GINS1: variants seen among roughly 807,000 people sequenced by gnomAD.
GINS1 encodes the protein GINS complex subunit 1.
Under a neutral mutation model 34.9 loss-of-function variants are expected in GINS1, and 26 were observed. That is an observed-to-expected ratio of 0.74 (90% CI 0.55 to 1.03). GINS1 has a LOEUF of 1.03. Among genes scored for constraint, GINS1 ranks in the 50% least tolerant of loss-of-function variants. GINS1 has a pLI of 0.00. For synonymous variants in GINS1, 97 were observed against 84.4 expected (o/e 1.15, Z -0.82); for missense variants, 235 against 237.9 (o/e 0.99, Z 0.08).
Position 25,425,281 on chromosome 20 carries a change from T to C in GINS1, c.401T>C (p.Leu134Ser). 6.4e-7 allele frequency: 1 copy of C among 1,569,250 alleles called. No homozygotes were observed. The highest frequency in any genetic ancestry group is 1.8e-4 in the Middle Eastern group (1 of 5,670). The change falls in exon 5 of 7, where the codon TTG becomes TCG. Residue 134 changes from leucine to serine, a missense_variant. Physicochemically the swap from Leu to Ser is moderately radical, Grantham distance 145. Coordinates refer to ENST00000262460, the MANE Select transcript of GINS1 (RefSeq NM_021067.5). ...AGGTCACTGGGAGGAGATGAAGGTT[T>C]GGACATTACACAGGATATGAAACCA... ...YMRSLGGDEG[L>S]DITQDMKPPK...
Position 25,447,991 on chromosome 20 carries a change from TGTG to T in GINS1, c.*2007_*2009del, listed in dbSNP as rs1402932077. On this transcript the variant is annotated 3_prime_UTR_variant, in exon 7 of 7. Transcript: ENST00000262460. ...CAAAAAATAGAAAAAATTAGCCAGG[TGTG>T]GTGGTGCATGCCTGTAGTCACAGTT... The T allele has an allele frequency of 2.0e-5, 3 of 152,214 alleles. No individual in the cohort carries two copies. Among genetic ancestry groups the T allele is most frequent in the African/African-American group, 4.8e-5 (2 of 41,378 alleles). The allele number at this position is 152,214 out of a possible 1,614,324, so 9.4% of individuals were successfully genotyped here. A position where few individuals can be genotyped will look rare whatever the true frequency, so the allele number is the denominator to read the frequency against.
chr20:25,426,172 T>G (rs2090389495), intron 5 of GINS1, among the ~76,000 whole-genome samples: 1 of 152,244 alleles, frequency 6.6e-6, no homozygotes, highest in Non-Finnish European at 1.5e-5. Context: ...TCTGAGAAGC[T>G]ACAAATGACA....
Position 25,418,138 on chromosome 20 carries a change from A to G in GINS1, c.273A>G (p.Arg91=). 2 of 1,605,396 alleles carry G rather than the reference A, an allele frequency of 1.2e-6. No individual in the cohort carries two copies. The highest frequency in any genetic ancestry group is 8.5e-7 in the Non-Finnish European group (1 of 1,171,874). ...YDRLLRIRAL[R]WEYGSVLPNA... ...GCTTGCTTCGGATCAGAGCACTCAG[A>G]TGGGAATATGGTAGCGTCTTGCCAA... Residue 91 remains arginine (R), a synonymous_variant, in exon 4 of 7, where the codon AGA becomes AGG. Transcript: ENST00000262460.
chr20:25,437,486 A>G (rs2090460259), intron 5 of GINS1, among the ~76,000 whole-genome samples: 1 of 152,254 alleles, frequency 6.6e-6, no homozygotes. Flanking sequence ...ATGTTTGTCA[A>G]AGCTCCAACC....
chr20:25,428,967 CTCTTTTTTTTTTTTTTT>C (rs2090410023), intron 5 of GINS1, among the ~76,000 whole-genome samples: 6 of 114,160 alleles, frequency 5.3e-5, no homozygotes, highest in Non-Finnish European at 1.1e-4. Context: ...TCATTCCTCT[CTCTTTTTTTTTTTTTTT>C]TTTTTTTTTT....
intron 4 of GINS1, among the ~76,000 whole-genome samples, chr20:25,423,651 G>T (rs1402965574): frequency 8.6e-5 from 9 of 104,720 alleles, no homozygotes; most frequent in Admixed American, 2.1e-4. Context: ...TCTCTCTGTT[G>T]CCCCCAGGCT....
intron 5 of GINS1, among the ~76,000 whole-genome samples, chr20:25,426,966 T>G (rs565671831): frequency 1.3e-5 from 2 of 152,292 alleles, no homozygotes; most frequent in South Asian, 4.2e-4. Context: ...GCTATGAACG[T>G]GGATATATAA....
chr20:25,433,931 G>T (rs143394684), intron 5 of GINS1, among the ~76,000 whole-genome samples: 1 of 152,144 alleles, frequency 6.6e-6, no homozygotes, highest in Non-Finnish European at 1.5e-5. Flanking sequence ...AATAATACTA[G>T]CTTTTAGACT....
At chr20:25,436,807 A>G (rs1397547435) in intron 5 of GINS1, among the ~76,000 whole-genome samples, 1 of 151,964 alleles carries the variant, frequency 6.6e-6, no homozygotes, top group Non-Finnish European at 1.5e-5. Context: ...TTCAGGGACC[A>G]TTTCTTATTT....
chr20:25,431,709 T>A (rs918265360), intron 5 of GINS1, among the ~76,000 whole-genome samples: 1 of 151,754 alleles, frequency 6.6e-6, no homozygotes, highest in African/African-American at 2.4e-5. Context: ...TAGCTGGGAC[T>A]GTAGGGGTGC....
At chr20:25,423,442 TTTTTC>T (rs764431254) in intron 4 of GINS1, among the ~76,000 whole-genome samples, 19 of 121,568 alleles carry the variant, frequency 1.6e-4, no homozygotes, top group East Asian at 4.0e-4. Flanking sequence ...TATTAAGATA[TTTTTC>T]TTTTCTTTTT....
At chr20:25,428,178 T>C (rs1290172593) in intron 5 of GINS1, among the ~76,000 whole-genome samples, 1 of 151,270 alleles carries the variant, frequency 6.6e-6, no homozygotes, top group African/African-American at 2.4e-5. Context: ...CGGCCAATTT[T>C]TTTTGTTTTG....
At chr20:25,409,151 G>T (rs1402707960) in intron 1 of GINS1, 1 of 376,266 alleles carries the variant, frequency 2.7e-6, no homozygotes, top group Non-Finnish European at 3.7e-6. Context: ...AATAGGGCCT[G>T]TGGGGAGTCT....
intron 4 of GINS1, among the ~76,000 whole-genome samples, chr20:25,422,880 G>A (rs772307480): frequency 2.7e-5 from 4 of 148,780 alleles, no homozygotes; most frequent in Admixed American, 6.7e-5. Context: ...GGGTTCAAGC[G>A]ATTCTCTTGC....
At chr20:25,419,253 A>G (rs976550342) in intron 4 of GINS1, among the ~76,000 whole-genome samples, 1 of 152,206 alleles carries the variant, frequency 6.6e-6, no homozygotes, top group Non-Finnish European at 1.5e-5. Context: ...GAGCTTAAGA[A>G]AGAAAATATT....
chr20:25,445,348 A>AT (rs61186516), intron 6 of GINS1, among the ~76,000 whole-genome samples: 2,342 of 138,326 alleles, frequency 0.017, 44 homozygotes, highest in African/African-American at 0.047. Flanking sequence ...CGCCTGGCTA[A>AT]TTTTTTTTTT....
At chr20:25,413,436 T>C in intron 1 of GINS1, 1 of 181,184 alleles carries the variant, frequency 5.5e-6, no homozygotes, top group Non-Finnish European at 1.2e-5. Flanking sequence ...TTCTACATTT[T>C]TATTGTTATG....
intron 4 of GINS1, among the ~76,000 whole-genome samples, chr20:25,424,796 T>C (rs1056315873): frequency 6.6e-6 from 1 of 152,240 alleles, no homozygotes; most frequent in African/African-American, 2.4e-5. Context: ...TATGGTTAAA[T>C]AATGTTCCAT....
At chr20:25,442,370 GTCTATCTA>G (rs944452825) in intron 6 of GINS1, among the ~76,000 whole-genome samples, 2 of 131,234 alleles carry the variant, frequency 1.5e-5, no homozygotes, top group African/African-American at 2.8e-5. Context: ...CTGTCTGTCT[GTCTATCTA>G]TCTATCTATC....
Sources: allele counts gnomAD v4.1 joint callset (sites outside exome capture counted in the v4.1 genomes callset), GRCh38; gene constraint gnomAD v4.1.1; transcripts MANE v1.5; gene names NCBI Gene and HGNC (gene_info 2026-07-23, HGNC 2026-07-21).